ARHGEF12: variants seen among roughly 807,000 people sequenced by gnomAD.
The protein encoded by ARHGEF12 is KMT2A/ARHGEF12 fusion protein.
Under a neutral mutation model 211.2 loss-of-function variants are expected in ARHGEF12, and 66 were observed. The ratio of observed to expected loss-of-function variants is 0.31; its 90% CI spans 0.26 to 0.38. The LOEUF is 0.38. ARHGEF12 is among the 10% of genes least tolerant of loss of function. The pLI is 1.00. For missense variants in ARHGEF12, 1,429 were observed against 1,869.5 expected (o/e 0.76, Z 4.34); for synonymous variants, 592 against 638.4 (o/e 0.93, Z 1.09).
chr11:120,439,919 C>T (rs772014842), intron 12 of ARHGEF12: 2 of 481,000 alleles, frequency 4.2e-6, no homozygotes, highest in Admixed American at 3.8e-5. Context: ...AAAAAAAACT[C>T]GTTGTTGTGG....
intron 7 of ARHGEF12, among the ~76,000 whole-genome samples, chr11:120,425,180 G>A (rs966449944): frequency 6.6e-6 from 1 of 152,180 alleles, no homozygotes; most frequent in African/African-American, 2.4e-5. Flanking sequence ...AGGGAGAAGG[G>A]AAGGTTCAGT....
chr11:120,354,004 T>TCCCAGAGGAGGAG (rs1943064574), intron 1 of ARHGEF12, among the ~76,000 whole-genome samples: 1 of 151,306 alleles, frequency 6.6e-6, no homozygotes, highest in Non-Finnish European at 1.5e-5. Context: ...CCCCATGGGG[T>TCCCAGAGGAGGAG]CCCAGAGGAG....
chr11:120,442,469 C>T (rs1945907575), intron 15 of ARHGEF12, among the ~76,000 whole-genome samples: 1 of 150,702 alleles, frequency 6.6e-6, no homozygotes, highest in African/African-American at 2.4e-5. Flanking sequence ...TATATACACA[C>T]ACACACACAC....
chr11:120,348,102 T>C (rs1159270381), intron 1 of ARHGEF12, among the ~76,000 whole-genome samples: 1 of 152,174 alleles, frequency 6.6e-6, no homozygotes, highest in Non-Finnish European at 1.5e-5. Flanking sequence ...ATATTGCTAG[T>C]CTCATTTCAG....
chr11:120,461,138 G>T (rs1258662988), intron 27 of ARHGEF12, among the ~76,000 whole-genome samples: 1 of 152,182 alleles, frequency 6.6e-6, no homozygotes, highest in Non-Finnish European at 1.5e-5. Flanking sequence ...TGTGAATTAT[G>T]AATGTTCTTA....
At chr11:120,355,132 G>A (rs1002691707) in intron 1 of ARHGEF12, among the ~76,000 whole-genome samples, 1 of 152,166 alleles carries the variant, frequency 6.6e-6, no homozygotes, top group Non-Finnish European at 1.5e-5. Context: ...AAGTTAAAAA[G>A]TCAGATTGGC....
At chr11:120,347,668 T>C (rs1942808910) in intron 1 of ARHGEF12, among the ~76,000 whole-genome samples, 2 of 152,240 alleles carry the variant, frequency 1.3e-5, no homozygotes, top group Non-Finnish European at 2.9e-5. Context: ...CTTGAAGGCC[T>C]GAAAGCCTCC....
At chr11:120,357,622 T>G (rs1378487078) in intron 1 of ARHGEF12, among the ~76,000 whole-genome samples, 2 of 152,216 alleles carry the variant, frequency 1.3e-5, no homozygotes, top group East Asian at 3.8e-4. Flanking sequence ...CAGGCTGGAT[T>G]GCAGTGGCAT....
intron 1 of ARHGEF12, among the ~76,000 whole-genome samples, chr11:120,352,260 A>G (rs1438390211): frequency 6.6e-6 from 1 of 152,220 alleles, no homozygotes; most frequent in African/African-American, 2.4e-5. Context: ...ATATATACAC[A>G]TCTGTAAACA....
intron 1 of ARHGEF12, among the ~76,000 whole-genome samples, chr11:120,339,011 T>C (rs1021100995): frequency 4.0e-5 from 6 of 148,996 alleles, no homozygotes; most frequent in South Asian, 2.1e-4. Flanking sequence ...TTTTCTTTTT[T>C]TTTTTTTTTT....
intron 1 of ARHGEF12, among the ~76,000 whole-genome samples, chr11:120,399,424 C>T (rs932839820): frequency 7.6e-5 from 11 of 145,612 alleles, no homozygotes; most frequent in Non-Finnish European, 1.3e-4. Flanking sequence ...CACATGAGAA[C>T]GAAGTTTATA....
At chr11:120,405,890 C>T in intron 1 of ARHGEF12, 1 of 415,820 alleles carries the variant, frequency 2.4e-6, no homozygotes, top group Non-Finnish European at 4.2e-6. Flanking sequence ...AAGCTATATT[C>T]TAGGACAGCT....
intron 15 of ARHGEF12, among the ~76,000 whole-genome samples, chr11:120,443,767 A>G (rs1204170482): frequency 6.6e-6 from 1 of 152,236 alleles, no homozygotes; most frequent in Non-Finnish European, 1.5e-5. Context: ...GGTTGAAAAT[A>G]TTCAAGGAAA....
chr11:120,367,353 CTTT>C lies in ARHGEF12; in HGVS notation c.32+30106_32+30108del, dbSNP rs1025919456. Among the ~76,000 whole-genome samples, 18 of 59,348 alleles carry C rather than the reference CTTT, an allele frequency of 3.0e-4. 1 individual carries two copies. The highest frequency in any genetic ancestry group is 2.0e-3 in the East Asian group (4 of 2,032). 38.9% of individuals were successfully genotyped at this position (59,348 alleles called of 152,430 possible). ...AAAAAATCTGTTAGGATACTTTTTCCTTTTTTTTTTTTTTTTTTTTTTTTTTTT... is the reference window on the plus strand; with the variant it reads ...AAAAAATCTGTTAGGATACTTTTTCCTTTTTTTTTTTTTTTTTTTTTTTTT... On this transcript the variant is annotated intron_variant, in intron 1 of 40. Transcript: ENST00000397843.
intron 29 of ARHGEF12, 23 bp downstream of exon 29, chr11:120,467,331 A>C (rs2305011): frequency 2.7e-6 from 4 of 1,471,984 alleles, no homozygotes; most frequent in Non-Finnish European, 3.8e-6. Context: ...CACTGAAATA[A>C]AAAGCTTAAG....
At chr11:120,420,631 AT>A (rs1468496417) in intron 4 of ARHGEF12, 121 bp from the exon 5 acceptor site, 1 of 734,708 alleles carries the variant, frequency 1.4e-6, no homozygotes, top group Non-Finnish European at 2.2e-6. Context: ...TACCATGTGG[AT>A]TTACATGTGC....
At position 120,478,166 on chromosome 11, in the gene ARHGEF12, G is replaced by T. The variant is rs766368379; in HGVS notation, c.3543G>T (p.Leu1181Phe). 1.2e-6 allele frequency: 2 copies of T among 1,610,180 alleles called. No individual in the cohort carries two copies. Among genetic ancestry groups the T allele is most frequent in the Non-Finnish European group, 1.7e-6 (2 of 1,177,588 alleles). ...VTGLQSPDRD[L>F]GLESTLISSK... ...TATTCCATTGGACAGACAGAGATTT[G>T]GGATTAGAATCTACCTTAATATCGT... Residue 1181 changes from leucine (L) to phenylalanine (F), a missense_variant, in exon 37 of 41, where the codon TTG becomes TTT. By Grantham distance (22) the Leu-to-Phe change is conservative. Transcript: ENST00000397843.
At position 120,424,345 on chromosome 11, in the gene ARHGEF12, C is replaced by T. The variant is rs143414767; in HGVS notation, c.349-13C>T. 3.9e-5 allele frequency: 62 copies of T among 1,608,646 alleles called. No individual in the cohort carries two copies. In the South Asian group the frequency reaches 5.1e-4, roughly 13 times the overall value. On this transcript the variant is annotated splice_polypyrimidine_tract_variant and intron_variant, in intron 6 of 40. Transcript: ENST00000397843. ...GAATGTATCTGACATACACTACTTT[C>T]GTTTTCTTACAGGTGAATGGAACTC... is the stretch of plus-strand genomic sequence containing the variant.
chr11:120,372,842 C>T (rs1287062871), intron 1 of ARHGEF12, among the ~76,000 whole-genome samples: 1 of 152,016 alleles, frequency 6.6e-6, no homozygotes, highest in East Asian at 1.9e-4. Flanking sequence ...CTTCATAGGA[C>T]TTCAGATGTG....
Sources: gnomAD v4.1 joint callset for allele counts (sites outside exome capture counted in the v4.1 genomes callset) on GRCh38, gnomAD v4.1.1 for gene constraint, MANE v1.5 for transcripts, NCBI Gene and HGNC (gene_info 2026-07-23, HGNC 2026-07-21) for gene names.